The following CRACD variants were observed in gnomAD, a reference collection of about 807,000 sequenced individuals.
CRACD encodes capping protein-inhibiting regulator of actin dynamics.
A neutral mutation model predicts 106.8 loss-of-function variants in CRACD; 56 were observed. The observed-to-expected ratio is 0.52, with a 90% CI of 0.42 to 0.66. The LOEUF (loss-of-function observed/expected upper bound fraction) is 0.66. Among genes scored for constraint, CRACD ranks in the 30% least tolerant of loss-of-function variants. The probability of loss-of-function intolerance (pLI) is 0.00; values close to 1 mark genes in which losing one functional copy is unlikely to be tolerated. For missense variants in CRACD, 1,730 were observed against 1,623.2 expected (o/e 1.07, Z -1.13); for synonymous variants, 754 against 670.8 (o/e 1.12, Z -1.92).
chr4:56,284,657 G>A (rs767100185), intron 3 of CRACD, among the ~76,000 whole-genome samples: 38 of 152,176 alleles, frequency 2.5e-4, no homozygotes, highest in Non-Finnish European at 2.4e-4. Flanking sequence ...CCCAGAAGAT[G>A]GAGGTTGCAG....
chr4:56,281,257 G>A lies in CRACD; in HGVS notation c.-17+8765G>A, dbSNP rs1743022022. 2.0e-5 allele frequency among the ~76,000 whole-genome samples: 3 copies of A among 152,090 alleles called. No individual in the cohort carries two copies. In the South Asian group the frequency reaches 6.2e-4, roughly 32 times the overall value. On this transcript the variant is annotated intron_variant, in intron 3 of 10. Transcript: ENST00000682029. ...GAGCATGAACCCTATTGTGAACTGTGCATGCGAGGGATCTAGGTGGCGTGC... is the reference window on the plus strand; with the variant it reads ...GAGCATGAACCCTATTGTGAACTGTACATGCGAGGGATCTAGGTGGCGTGC...
At chr4:56,287,220 G>C (rs1444609898) in intron 3 of CRACD, among the ~76,000 whole-genome samples, 3 of 152,076 alleles carry the variant, frequency 2.0e-5, no homozygotes, top group Admixed American at 2.0e-4. Context: ...GAATTCCTGA[G>C]CTCAAGCAAT....
At chr4:56,078,129 A>G (rs768941532) in intron 1 of CRACD, among the ~76,000 whole-genome samples, 1 of 152,220 alleles carries the variant, frequency 6.6e-6, no homozygotes, top group Non-Finnish European at 1.5e-5. Flanking sequence ...GTACTTATTC[A>G]TGTGGTACAT....
chr4:56,083,240 G>A (rs1292949267), intron 1 of CRACD, among the ~76,000 whole-genome samples: 1 of 152,164 alleles, frequency 6.6e-6, no homozygotes, highest in African/African-American at 2.4e-5. Flanking sequence ...TTATTAGAGT[G>A]GATCTTCTGT....
chr4:56,129,089 T>C (rs1360159191), intron 1 of CRACD, among the ~76,000 whole-genome samples: 3 of 152,190 alleles, frequency 2.0e-5, no homozygotes, highest in Non-Finnish European at 2.9e-5. Context: ...TTTAAAAATG[T>C]CTTTGAGACA....
At chr4:56,229,932 C>G (rs773008136) in intron 2 of CRACD, among the ~76,000 whole-genome samples, 23 of 152,162 alleles carry the variant, frequency 1.5e-4, no homozygotes, top group Non-Finnish European at 3.2e-4. Flanking sequence ...AAACAACTAA[C>G]AGGGTAAAAC....
In CRACD at chr4:56,316,407, A is replaced by G; in HGVS notation, c.2905A>G (p.Ser969Gly). The change falls in exon 8 of 11, where the codon AGT (serine) becomes GGT (glycine). Residue 969 changes from serine to glycine, a missense_variant. Physicochemically the swap from Ser to Gly is moderately conservative, Grantham distance 56. Around this residue, in one of 5 missense-constraint regions of CRACD, gnomAD observed 1,620 missense variants for 1,481.6 expected, o/e 1.09. Transcript: ENST00000682029. ...GCCAGCACTGGCTCCCAAGCCCACC[A>G]GTCAGACCCCACCAGCATCCCCACT... is the stretch of plus-strand genomic sequence containing the variant. ...QKPALAPKPT[S>G]QTPPASPLSK... 1 of 1,614,164 alleles carries G rather than the reference A, an allele frequency of 6.2e-7. No individual in the cohort carries two copies. Among genetic ancestry groups the G allele is most frequent in the Non-Finnish European group, 8.5e-7 (1 of 1,179,976 alleles).
intron 2 of CRACD, among the ~76,000 whole-genome samples, chr4:56,216,999 AAAAG>A (rs1280606831): frequency 1.3e-5 from 2 of 149,014 alleles, no homozygotes; most frequent in African/African-American, 4.9e-5. Flanking sequence ...AAAAAAAAAA[AAAAG>A]AAAAAAAAAA....
At chr4:56,319,496 T>G (rs1294292049) in intron 8 of CRACD, among the ~76,000 whole-genome samples, 2 of 151,908 alleles carry the variant, frequency 1.3e-5, no homozygotes, top group African/African-American at 4.8e-5. Flanking sequence ...CCCATCTACT[T>G]GGGAGGCTGA....
At chr4:56,205,478 C>A (rs551572343) in intron 2 of CRACD, among the ~76,000 whole-genome samples, 1 of 151,362 alleles carries the variant, frequency 6.6e-6, no homozygotes, top group South Asian at 2.1e-4. Context: ...AAGCGTGCCC[C>A]GATAAACTGT....
chr4:56,180,029 T>A (rs985097163), intron 2 of CRACD, among the ~76,000 whole-genome samples: 3 of 151,058 alleles, frequency 2.0e-5, no homozygotes, highest in Non-Finnish European at 4.4e-5. Flanking sequence ...AAAAAAAAAA[T>A]GGTTATCATT....
chr4:56,196,579 T>C (rs1201995583), intron 2 of CRACD, among the ~76,000 whole-genome samples: 3 of 152,174 alleles, frequency 2.0e-5, no homozygotes, highest in Non-Finnish European at 4.4e-5. Context: ...AGCACCTAGA[T>C]ATAAGCAAAA....
chr4:56,182,473 T>C (rs1736872141), intron 2 of CRACD, among the ~76,000 whole-genome samples: 1 of 151,158 alleles, frequency 6.6e-6, no homozygotes, highest in African/African-American at 2.4e-5. Flanking sequence ...AGGCATGTCC[T>C]AGCTATCTGC....
At chr4:56,270,369 T>C (rs1047822804) in intron 2 of CRACD, among the ~76,000 whole-genome samples, 1 of 152,096 alleles carries the variant, frequency 6.6e-6, no homozygotes, top group East Asian at 1.9e-4. Flanking sequence ...CTTCAAATTT[T>C]CTGTGACATC....
intron 2 of CRACD, among the ~76,000 whole-genome samples, chr4:56,219,398 A>C (rs576027252): frequency 6.6e-6 from 1 of 152,296 alleles, no homozygotes; most frequent in South Asian, 2.1e-4. Flanking sequence ...CCCAGGCTGG[A>C]GTGCAGTGGT....
chr4:56,087,785 T>A (rs1179778774), intron 1 of CRACD, among the ~76,000 whole-genome samples: 1 of 152,196 alleles, frequency 6.6e-6, no homozygotes, highest in African/African-American at 2.4e-5. Context: ...GCTCCTCTTT[T>A]TTTACTTACT....
At chr4:56,101,070 C>T (rs1393285665) in intron 1 of CRACD, among the ~76,000 whole-genome samples, 1 of 152,122 alleles carries the variant, frequency 6.6e-6, no homozygotes, top group Non-Finnish European at 1.5e-5. Flanking sequence ...AATTTTCTAT[C>T]TGGAAAGGAT....
intron 2 of CRACD, chr4:56,196,491 T>G (rs1331664740): frequency 1.3e-5 from 2 of 152,964 alleles, no homozygotes; most frequent in African/African-American, 4.8e-5. Flanking sequence ...TATTCTATAT[T>G]CTTTTTAGTG....
At chr4:56,181,391 C>G (rs1736814581) in intron 2 of CRACD, among the ~76,000 whole-genome samples, 1 of 152,134 alleles carries the variant, frequency 6.6e-6, no homozygotes. Context: ...GAGGGTTGAT[C>G]CACAGGAAAT....
Sources: gnomAD v4.1 joint callset for allele counts (sites outside exome capture counted in the v4.1 genomes callset) on GRCh38, gnomAD v4.1.1 for gene constraint, gnomAD v4.1.1 regional missense constraint, MANE v1.5 for transcripts, NCBI Gene and HGNC (gene_info 2026-07-23, HGNC 2026-07-21) for gene names.